Variants in DGKI observed in about 807,000 individuals in gnomAD.
DGKI encodes the protein diacylglycerol kinase iota.
DGKI carries 55 observed loss-of-function variants against 147.5 expected under a neutral mutation model. The observed-to-expected ratio is 0.37, with a 90% CI of 0.30 to 0.47. DGKI has a LOEUF of 0.47. Among genes scored for constraint, DGKI ranks in the 20% least tolerant of loss-of-function variants. DGKI has a pLI of 1.00. For synonymous variants in DGKI, 469 were observed against 477.1 expected (o/e 0.98, Z 0.22); for missense variants, 1,007 against 1,323.8 (o/e 0.76, Z 3.71).
At chr7:137,725,456 CACT>C (rs1362840521) in intron 1 of DGKI, among the ~76,000 whole-genome samples, 1 of 151,968 alleles carries the variant, frequency 6.6e-6, no homozygotes, top group African/African-American at 2.4e-5. Flanking sequence ...CTTATTATAC[CACT>C]ATGTCCCTGA....
intron 19 of DGKI, among the ~76,000 whole-genome samples, chr7:137,561,069 A>G (rs1337062596): frequency 6.6e-6 from 1 of 152,164 alleles, no homozygotes. Context: ...CAATTGCACT[A>G]CTGGGCATTT....
intron 1 of DGKI, among the ~76,000 whole-genome samples, chr7:137,721,219 C>A (rs1794547039): frequency 6.6e-6 from 1 of 152,238 alleles, no homozygotes; most frequent in South Asian, 2.1e-4. Flanking sequence ...CAAGGCCCTA[C>A]ACCACATTGT....
intron 1 of DGKI, among the ~76,000 whole-genome samples, chr7:137,799,122 A>G (rs776905702): frequency 2.0e-5 from 3 of 152,168 alleles, no homozygotes; most frequent in Non-Finnish European, 4.4e-5. Flanking sequence ...TTCTTTCATC[A>G]CTTCTATTCA....
At chr7:137,489,344 A>G (rs772597871) in intron 21 of DGKI, among the ~76,000 whole-genome samples, 2 of 152,228 alleles carry the variant, frequency 1.3e-5, no homozygotes, top group Admixed American at 6.5e-5. Flanking sequence ...AGGTAAGCAA[A>G]AGACAGTCAG....
intron 19 of DGKI, among the ~76,000 whole-genome samples, chr7:137,559,132 C>T (rs1158383187): frequency 1.8e-5 from 2 of 110,294 alleles, no homozygotes; most frequent in East Asian, 2.9e-4. Context: ...AGTGCAGTGG[C>T]GGGATCTCGG....
chr7:137,388,250 T>A lies in DGKI; in HGVS notation c.*2970A>T, dbSNP rs1811238413. The A allele has an allele frequency of 6.6e-6, 1 of 152,222 alleles. No individual in the cohort carries two copies. Among genetic ancestry groups the A allele is most frequent in the Non-Finnish European group, 1.5e-5 (1 of 68,044 alleles). 9.4% of individuals were successfully genotyped at this position (152,222 alleles called of 1,614,324 possible). A position where few individuals can be genotyped will look rare whatever the true frequency, so the allele number is the denominator to read the frequency against. On this transcript the variant is annotated 3_prime_UTR_variant, in exon 33 of 33. Coordinates refer to ENST00000614521, the MANE Select transcript of DGKI (RefSeq NM_001321708.2). ...AAAGCACAGTTTAACTGTGTTCTAT[T>A]TTGTTAAATGCACAATATTAAAATA...
At chr7:137,817,025 A>C (rs1302162735) in intron 1 of DGKI, among the ~76,000 whole-genome samples, 3 of 152,174 alleles carry the variant, frequency 2.0e-5, no homozygotes, top group Non-Finnish European at 4.4e-5. Flanking sequence ...CTAAAATGAC[A>C]ATTTAAGTGA....
intron 23 of DGKI, among the ~76,000 whole-genome samples, chr7:137,476,780 CA>C (rs1815186190): frequency 6.6e-6 from 1 of 152,260 alleles, no homozygotes; most frequent in African/African-American, 2.4e-5. Context: ...TAAAGAACTG[CA>C]GTGGTGAGAA....
intron 1 of DGKI, among the ~76,000 whole-genome samples, chr7:137,791,773 T>C (rs1796861628): frequency 6.6e-6 from 1 of 152,244 alleles, no homozygotes; most frequent in African/African-American, 2.4e-5. Context: ...CTTCAGAGAA[T>C]ATTTTATTTT....
chr7:137,673,854 T>C lies in DGKI; in HGVS notation c.606+4703A>G, dbSNP rs145626475. Among the ~76,000 whole-genome samples, 921 of 152,284 alleles carry C rather than the reference T, an allele frequency of 6.0e-3. 8 individuals are homozygous for C. The highest frequency in any genetic ancestry group is 0.039 in the South Asian group (189 of 4,816). On this transcript the variant is annotated intron_variant, in intron 3 of 32. Transcript: ENST00000614521. ...GGTACAAATATTTGGCTAAACATGT[T>C]TGTATAGCCTAGCCCCAGAGCATGA... is the stretch of plus-strand genomic sequence containing the variant.
chr7:137,721,976 C>T (rs1174900112), intron 1 of DGKI: 1 of 1,501,262 alleles, frequency 6.7e-7, no homozygotes, highest in Non-Finnish European at 9.0e-7. Flanking sequence ...AGCTCTTTCC[C>T]ATCTTGCAAG....
intron 1 of DGKI, among the ~76,000 whole-genome samples, chr7:137,798,686 C>T (rs1797107265): frequency 6.6e-6 from 1 of 152,116 alleles, no homozygotes; most frequent in South Asian, 2.1e-4. Flanking sequence ...TCCCAAAGTG[C>T]TGTGATTACA....
intron 1 of DGKI, among the ~76,000 whole-genome samples, chr7:137,809,255 A>C (rs764544356): frequency 1.1e-4 from 17 of 152,224 alleles, no homozygotes; most frequent in Non-Finnish European, 2.4e-4. Flanking sequence ...AGACGGGAAC[A>C]GGAGGCTACA....
At chr7:137,613,515 T>C (rs750813552) in intron 8 of DGKI, among the ~76,000 whole-genome samples, 6 of 152,172 alleles carry the variant, frequency 3.9e-5, no homozygotes, top group Non-Finnish European at 8.8e-5. Flanking sequence ...ATTTACAGGA[T>C]ATTATTGGTC....
intron 1 of DGKI, among the ~76,000 whole-genome samples, chr7:137,726,255 C>T (rs749185851): frequency 2.0e-5 from 3 of 152,166 alleles, no homozygotes; most frequent in African/African-American, 7.2e-5. Flanking sequence ...TTCTCTCTCT[C>T]CCATATGTCT....
chr7:137,619,136 T>C (rs1006124136), intron 8 of DGKI, among the ~76,000 whole-genome samples: 25 of 152,122 alleles, frequency 1.6e-4, no homozygotes, highest in African/African-American at 6.0e-4. Flanking sequence ...ATCCCATAAC[T>C]TGAAGCTAAC....
chr7:137,782,300 G>A (rs1291800812), intron 1 of DGKI, among the ~76,000 whole-genome samples: 2 of 152,064 alleles, frequency 1.3e-5, no homozygotes, highest in African/African-American at 2.4e-5. Context: ...CTGTGTGGAC[G>A]ATGGGTGAGG....
intron 19 of DGKI, among the ~76,000 whole-genome samples, chr7:137,569,733 A>AAG (rs1818727288): frequency 3.5e-5 from 1 of 28,284 alleles, no homozygotes; most frequent in Non-Finnish European, 5.3e-5. Context: ...TGTCTCAAAA[A>AAG]AAAAAAAAAA....
rs75359972 is a variant in DGKI, at chr7:137,498,251, A to G, written c.2249-10562T>C. On this transcript the variant is annotated intron_variant, in intron 21 of 32. Coordinates refer to ENST00000614521, the MANE Select transcript of DGKI (RefSeq NM_001321708.2). ...TCTAAAAAAGTAGAGCAAAAATAAA[A>G]AGAGATAGAAAGTAGGAGAGAAAAA... Among the ~76,000 whole-genome samples the G allele has an allele frequency of 8.2e-4, 125 of 151,890 alleles. 1 individual carries two copies. In the East Asian group the frequency reaches 0.023, roughly 28 times the overall value.
Sources: allele counts gnomAD v4.1 joint callset (sites outside exome capture counted in the v4.1 genomes callset), GRCh38; gene constraint gnomAD v4.1.1; transcripts MANE v1.5; gene names NCBI Gene and HGNC (gene_info 2026-07-23, HGNC 2026-07-21).